HMBOX1: variants seen among roughly 807,000 people sequenced by gnomAD.
HMBOX1 encodes the protein homeobox-containing protein 1.
HMBOX1 carries 14 observed loss-of-function variants against 54.5 expected under a neutral mutation model. The ratio of observed to expected loss-of-function variants is 0.26; its 90% CI spans 0.17 to 0.40. HMBOX1 has a LOEUF of 0.40. HMBOX1 is among the 10% of genes least tolerant of loss of function. The pLI, the probability that HMBOX1 is intolerant of heterozygous loss-of-function variation, is 1.00. For synonymous variants in HMBOX1, 160 were observed against 181.0 expected (o/e 0.88, Z 0.93); for missense variants, 332 against 514.4 (o/e 0.65, Z 3.43).
intron 4 of HMBOX1, among the ~76,000 whole-genome samples, chr8:28,984,217 G>A (rs1329216942): frequency 1.3e-5 from 2 of 152,186 alleles, no homozygotes; most frequent in African/African-American, 4.8e-5. Flanking sequence ...ATATGTACCT[G>A]ATGAAATCTA....
chr8:28,926,033 T>C (rs1818387050), intron 1 of HMBOX1, among the ~76,000 whole-genome samples: 1 of 152,098 alleles, frequency 6.6e-6, no homozygotes, highest in African/African-American at 2.4e-5. Flanking sequence ...GTGCGGTGGC[T>C]TATGCATGTA....
At chr8:29,015,774 G>C (rs188971818) in intron 5 of HMBOX1, among the ~76,000 whole-genome samples, 43 of 152,310 alleles carry the variant, frequency 2.8e-4, no homozygotes, top group African/African-American at 8.7e-4. Context: ...TAAAGGGCCA[G>C]ACAGTAAATA....
chr8:28,977,955 AAAAG>A lies in HMBOX1; in HGVS notation c.501-2100_501-2097del, dbSNP rs563365004. Among the ~76,000 whole-genome samples the A allele has an allele frequency of 3.7e-3, 567 of 152,042 alleles. 4 individuals carry two copies. The highest frequency in any genetic ancestry group is 0.012 in the African/African-American group (505 of 41,400). ...CGAGACTCTGTCTCCAAAAAAAAAA[AAAAG>A]AAAGAAAGAAAGAAATATTTCAAAT... On this transcript the variant is annotated intron_variant, in intron 3 of 9. Coordinates refer to ENST00000287701, the MANE Select transcript of HMBOX1 (RefSeq NM_001135726.3).
In HMBOX1 at chr8:28,970,981, G is replaced by GACACACACACACACACACAC. The variant is rs10554708; in HGVS notation, c.500+492_500+511dup. On this transcript the variant is annotated intron_variant, in intron 3 of 9. Coordinates refer to ENST00000287701, the MANE Select transcript of HMBOX1 (RefSeq NM_001135726.3). The surrounding 1 kb of genome is among the most constrained non-coding windows in gnomAD (Gnocchi z 4.3). ...ATAGGTTCTAATTTTAGCAATAGATGACACACACACACACACACACACACA... is the reference window on the plus strand; with the variant it reads ...ATAGGTTCTAATTTTAGCAATAGATGACACACACACACACACACACACACACACACACACACACACACACA... Among the ~76,000 whole-genome samples, 1 of 131,984 alleles carries GACACACACACACACACACAC rather than the reference G, an allele frequency of 7.6e-6. No homozygotes were observed. Among genetic ancestry groups the GACACACACACACACACACAC allele is most frequent in the Non-Finnish European group, 1.6e-5 (1 of 62,726 alleles). 86.6% of individuals were successfully genotyped at this position (131,984 alleles called of 152,430 possible). A position where few individuals can be genotyped will look rare whatever the true frequency, so the allele number is the denominator to read the frequency against.
At chr8:28,932,500 CT>C (rs1380458802) in intron 1 of HMBOX1, among the ~76,000 whole-genome samples, 1 of 151,950 alleles carries the variant, frequency 6.6e-6, no homozygotes, top group African/African-American at 2.4e-5. Flanking sequence ...TCATACTCAT[CT>C]TTTTTTTCTT....
At chr8:28,901,182 C>G (rs932730747) in intron 1 of HMBOX1, among the ~76,000 whole-genome samples, 11 of 152,102 alleles carry the variant, frequency 7.2e-5, no homozygotes, top group African/African-American at 2.7e-4. Flanking sequence ...TAATACTCCC[C>G]TCCTTAATCT....
intron 1 of HMBOX1, among the ~76,000 whole-genome samples, chr8:28,938,683 A>C (rs1322222064): frequency 1.3e-5 from 2 of 151,542 alleles, no homozygotes; most frequent in African/African-American, 4.9e-5. Context: ...CCTGGCCTCA[A>C]GTGATCCTTT....
chr8:28,990,004 CT>C (rs1830748550), intron 4 of HMBOX1, among the ~76,000 whole-genome samples: 1 of 152,072 alleles, frequency 6.6e-6, no homozygotes, highest in South Asian at 2.1e-4. Context: ...TTCCTTGTTT[CT>C]TGTATCATAG....
intron 1 of HMBOX1, among the ~76,000 whole-genome samples, chr8:28,938,060 A>G (rs1347485643): frequency 6.6e-6 from 1 of 152,140 alleles, no homozygotes; most frequent in African/African-American, 2.4e-5. Flanking sequence ...AATTTGTCAT[A>G]CTAGAGTTCT....
intron 6 of HMBOX1, among the ~76,000 whole-genome samples, chr8:29,022,311 G>A (rs1801313709): frequency 1.3e-5 from 2 of 152,062 alleles, no homozygotes; most frequent in South Asian, 4.1e-4. Flanking sequence ...CCAGCCACTC[G>A]GGAGGCTGAG....
chr8:28,970,980 TGACACACACACA>T lies in HMBOX1; in HGVS notation c.500+462_500+473del, dbSNP rs58488299. On this transcript the variant is annotated intron_variant, in intron 3 of 9. Transcript: ENST00000287701. The surrounding 1 kb of genome is among the most constrained non-coding windows in gnomAD (Gnocchi z 4.3). ...TATAGGTTCTAATTTTAGCAATAGATGACACACACACACACACACACACACACACACACACAC... is the reference window on the plus strand; with the variant it reads ...TATAGGTTCTAATTTTAGCAATAGATCACACACACACACACACACACACAC... 0.012 allele frequency among the ~76,000 whole-genome samples: 1,117 copies of T among 92,438 alleles called. 11 individuals are homozygous for T. The highest frequency in any genetic ancestry group is 0.016 in the Non-Finnish European group (766 of 47,576). 60.6% of individuals were successfully genotyped at this position (92,438 alleles called of 152,430 possible).
intron 6 of HMBOX1, among the ~76,000 whole-genome samples, chr8:29,040,973 C>G (rs1804722094): frequency 6.6e-6 from 1 of 152,078 alleles, no homozygotes; most frequent in African/African-American, 2.4e-5. Context: ...GTTACAAGAA[C>G]AGAAATCACA....
At chr8:29,019,871 C>T (rs755696008) in intron 6 of HMBOX1, among the ~76,000 whole-genome samples, 8 of 152,110 alleles carry the variant, frequency 5.3e-5, no homozygotes, top group East Asian at 3.8e-4. Context: ...TTTAAAATGC[C>T]GAAATTCAGA....
At chr8:29,005,041 ATTAAAT>A (rs1332904914) in intron 4 of HMBOX1, among the ~76,000 whole-genome samples, 4 of 152,350 alleles carry the variant, frequency 2.6e-5, no homozygotes, top group Non-Finnish European at 4.4e-5. Context: ...GAATACTGAG[ATTAAAT>A]TTAGAGGGAA....
intron 4 of HMBOX1, among the ~76,000 whole-genome samples, chr8:28,982,099 G>A (rs559815202): frequency 2.0e-5 from 3 of 152,168 alleles, no homozygotes; most frequent in Non-Finnish European, 4.4e-5. Context: ...CAGGCGTGGT[G>A]GCGGGCGCCT....
intron 4 of HMBOX1, among the ~76,000 whole-genome samples, chr8:28,997,645 C>G (rs1165825791): frequency 6.6e-6 from 1 of 152,150 alleles, no homozygotes; most frequent in African/African-American, 2.4e-5. Flanking sequence ...CTCCTGGGCT[C>G]AAGTGATCCT....
At chr8:28,966,738 C>G (rs915661899) in intron 2 of HMBOX1, among the ~76,000 whole-genome samples, 6 of 152,200 alleles carry the variant, frequency 3.9e-5, no homozygotes, top group Non-Finnish European at 8.8e-5. Flanking sequence ...TTCAGTGTCA[C>G]ATGCATGCTT....
chr8:28,975,941 G>A (rs1828283294), intron 3 of HMBOX1, among the ~76,000 whole-genome samples: 1 of 152,184 alleles, frequency 6.6e-6, no homozygotes, highest in Non-Finnish European at 1.5e-5. Flanking sequence ...GGTCCTTAAA[G>A]AAGGCTGAAT....
At chr8:28,983,245 T>C (rs1829686062) in intron 4 of HMBOX1, among the ~76,000 whole-genome samples, 1 of 152,204 alleles carries the variant, frequency 6.6e-6, no homozygotes, top group Non-Finnish European at 1.5e-5. Context: ...TGATTCTCCA[T>C]TGTCTAAAAA....
Sources: gnomAD v4.1 joint callset for allele counts (sites outside exome capture counted in the v4.1 genomes callset) on GRCh38, gnomAD v4.1.1 for gene constraint, Gnocchi (gnomAD v3.1) non-coding constraint, MANE v1.5 for transcripts, NCBI Gene and HGNC (gene_info 2026-07-23, HGNC 2026-07-21) for gene names.